Variants in CYB5R3 observed in about 807,000 individuals in gnomAD.
The protein encoded by CYB5R3 is cytochrome b5 reductase 3.
Under a neutral mutation model 36.5 loss-of-function variants are expected in CYB5R3, and 28 were observed. The ratio of observed to expected loss-of-function variants is 0.77; its 90% CI spans 0.57 to 1.05. The LOEUF (loss-of-function observed/expected upper bound fraction) is 1.05, where lower values mean the gene tolerates loss of function less well. Ranked by LOEUF, CYB5R3 falls within the 50% of genes least tolerant of loss-of-function variation. The pLI, the probability that CYB5R3 is intolerant of heterozygous loss-of-function variation, is 0.00. For missense variants in CYB5R3, 474 were observed against 408.9 expected (o/e 1.16, Z -1.37); for synonymous variants, 181 against 159.8 (o/e 1.13, Z -1.00).
At chr22:42,643,545 C>A (rs1392109198) in intron 1 of CYB5R3, among the ~76,000 whole-genome samples, 3 of 151,164 alleles carry the variant, frequency 2.0e-5, no homozygotes, top group Non-Finnish European at 4.4e-5. Flanking sequence ...CTCTCCCAGG[C>A]AGGGCCTCCA....
In CYB5R3 at chr22:42,623,866, C is replaced by A; in HGVS notation, c.656G>T (p.Arg219Leu). 1 of 1,614,130 alleles carries A rather than the reference C, an allele frequency of 6.2e-7. No individual in the cohort carries two copies. The highest frequency in any genetic ancestry group is 1.1e-5 in the South Asian group (1 of 91,074). ...ANQTEKDILL[R>L]PELEELRNKH... ...GTTCCTGAGTTCCTCCAGCTCAGGT[C>A]GCAGCAGGATGTCCTTCTCGGTCTG... The change falls in exon 8 of 9, where the codon CGA becomes CTA. Residue 219 changes from arginine to leucine, a missense_variant. Arg to Leu is a moderately radical substitution (Grantham distance 102). Transcript: ENST00000352397.
chr22:42,636,807 T>C lies in CYB5R3; in HGVS notation c.61A>G (p.Ser21Gly). 6.2e-7 allele frequency: 1 copy of C among 1,613,976 alleles called. No individual in the cohort carries two copies. Among genetic ancestry groups the C allele is most frequent in the Non-Finnish European group, 8.5e-7 (1 of 1,180,014 alleles). ...CGCTGGAACAGCTTCATGAGCAGAC[T>C]GTACAGGAACCAGACTGGGAAGAGC... ...MVLFPVWFLY[S>G]LLMKLFQRST... is the part of the protein sequence containing the mutation. The change falls in exon 2 of 9, where the codon AGT becomes GGT. Residue 21 changes from serine to glycine, a missense_variant. Transcript: ENST00000352397.
Position 42,627,685 on chromosome 22 carries a change from T to A in CYB5R3, c.467A>T (p.Lys156Met). 1 of 1,611,792 alleles carries A rather than the reference T, an allele frequency of 6.2e-7. No homozygotes were observed. Among genetic ancestry groups the A allele is most frequent in the East Asian group, 2.2e-5 (1 of 44,870 alleles). Residue 156 changes from lysine (K) to methionine (M), a missense_variant, in exon 6 of 9, where the codon AAG (lysine) becomes ATG (methionine). Physicochemically the swap from Lys to Met is moderately conservative, Grantham distance 95. Transcript: ENST00000352397. Reference sequence around the variant, plus strand: ...CTTTTTGTCAGGTCGGATGGCGAACTTCCCTGGGGAGAGAGAAGGGGTGAG... The same window carrying A: ...CTTTTTGTCAGGTCGGATGGCGAACATCCCTGGGGAGAGAGAAGGGGTGAG... ...SGLLVYQGKG[K>M]FAIRPDKKSN...
At chr22:42,639,764 A>T in intron 1 of CYB5R3, 1 of 601,458 alleles carries the variant, frequency 1.7e-6, no homozygotes, top group Non-Finnish European at 2.8e-6. Context: ...ATTTAGGGGC[A>T]AAGGGGCAAC....
Position 42,627,358 on chromosome 22 carries a change from G to A in CYB5R3, c.579C>T (p.Ala193=), listed in dbSNP as rs1180986477. Residue 193 remains alanine, a synonymous_variant, in exon 7 of 9, where the codon GCC becomes GCT. Transcript: ENST00000352397. ...TGTGGTCATCAGGGTCCTTCATGAT[G>A]GCGCGGATCACCTGCAGCATCGGGG... The part of the protein sequence containing the change: ...GITPMLQVIR[A]IMKDPDDHTV... 1.9e-6 allele frequency: 3 copies of A among 1,613,950 alleles called. No individual in the cohort carries two copies. The South Asian group carries it at 3.3e-5, about 18-fold the overall frequency.
At chr22:42,632,036 G>C (rs1475095171) in intron 2 of CYB5R3, 2 of 156,710 alleles carry the variant, frequency 1.3e-5, no homozygotes, top group Admixed American at 6.1e-5. Context: ...CACAGGGTGG[G>C]CACCCAGGGC....
chr22:42,640,820 G>C (rs934297339), intron 1 of CYB5R3, among the ~76,000 whole-genome samples: 2 of 151,982 alleles, frequency 1.3e-5, no homozygotes, highest in African/African-American at 4.8e-5. Flanking sequence ...TCCTCTTAAT[G>C]AATAGTAAAT....
rs1929158360 is a variant in CYB5R3, at chr22:42,640,061, C to A, written c.22-3215G>T. Reference sequence around the variant, plus strand: ...GCCACCAAACCGTTCAGCAAAGCTTCCTTAACTGTGAGCTGTTTGAAGCTA... The same window carrying A: ...GCCACCAAACCGTTCAGCAAAGCTTACTTAACTGTGAGCTGTTTGAAGCTA... On this transcript the variant is annotated intron_variant, in intron 1 of 8. Coordinates refer to ENST00000352397, the MANE Select transcript of CYB5R3 (RefSeq NM_000398.7). 3.1e-6 allele frequency: 5 copies of A among 1,613,706 alleles called. No individual in the cohort carries two copies. The Admixed American group carries it at 8.3e-5, about 27-fold the overall frequency.
chr22:42,619,685 CCA>C lies in CYB5R3; in HGVS notation c.*86_*87del. On this transcript the variant is annotated 3_prime_UTR_variant, in exon 9 of 9. Transcript: ENST00000352397. ...GGCAGGCCAGGCTGAACCCGGGGCC[CCA>C]GTGTGCGATGTGGGGAGGTGACTGG... is the stretch of plus-strand genomic sequence containing the variant. The C allele has an allele frequency of 7.2e-7, 1 of 1,385,970 alleles. No homozygotes were observed. The highest frequency in any genetic ancestry group is 9.7e-7 in the Non-Finnish European group (1 of 1,027,976). 85.9% of individuals were successfully genotyped at this position (1,385,970 alleles called of 1,614,324 possible).
At chr22:42,631,194 C>T (rs1928597673) in intron 3 of CYB5R3, 184 bp downstream of exon 3, 1 of 757,340 alleles carries the variant, frequency 1.3e-6, no homozygotes, top group African/African-American at 1.7e-5. Flanking sequence ...GTGCCACTGC[C>T]AGGGACTCTG....
intron 7 of CYB5R3, among the ~76,000 whole-genome samples, chr22:42,624,460 C>T (rs1928160013): frequency 6.6e-6 from 1 of 152,000 alleles, no homozygotes; most frequent in South Asian, 2.1e-4. Context: ...TCCTGGCTGG[C>T]CTGCGGCTCC....
intron 4 of CYB5R3, 66 bp downstream of exon 4, chr22:42,630,816 C>A: frequency 7.4e-7 from 1 of 1,356,504 alleles, no homozygotes; most frequent in East Asian, 2.4e-5. Flanking sequence ...TCCAGGGGGT[C>A]CACATGGGCT....
At chr22:42,629,585 G>A (rs910296815) in intron 4 of CYB5R3, among the ~76,000 whole-genome samples, 6 of 152,192 alleles carry the variant, frequency 3.9e-5, no homozygotes, top group Admixed American at 6.5e-5. Context: ...GAAGGAGCCC[G>A]GGCCAGGGCC....
rs774593690 is a variant in CYB5R3, at chr22:42,628,142, C to T, written c.463+10G>A. 2 of 1,613,930 alleles carry T rather than the reference C, an allele frequency of 1.2e-6. No individual in the cohort carries two copies. Among genetic ancestry groups the T allele is most frequent in the Non-Finnish European group, 1.7e-6 (2 of 1,179,898 alleles). ...CTGCCGTGTAACCAAGGGATTCCGA[C>T]CCGAATCACCTTTGCCCTGGTAGAC... On this transcript the variant is annotated intron_variant, in intron 5 of 8. Coordinates refer to ENST00000352397, the MANE Select transcript of CYB5R3 (RefSeq NM_000398.7).
At chr22:42,625,125 A>G (rs968707080) in intron 7 of CYB5R3, among the ~76,000 whole-genome samples, 10 of 152,186 alleles carry the variant, frequency 6.6e-5, no homozygotes, top group African/African-American at 2.4e-4. Context: ...AATATGGAAG[A>G]AAAAGTACCT....
chr22:42,629,081 G>C (rs535820271), intron 4 of CYB5R3, among the ~76,000 whole-genome samples: 1 of 152,276 alleles, frequency 6.6e-6, no homozygotes, highest in Non-Finnish European at 1.5e-5. Context: ...GAGAGGCCTG[G>C]TCACCTGTGA....
rs781294061 is a variant in CYB5R3 at position 42,630,894 on chromosome 22, G to A, written c.321C>T (p.Asp107=). 5 of 1,613,192 alleles carry A rather than the reference G, an allele frequency of 3.1e-6. No homozygotes were observed. Among genetic ancestry groups the A allele is most frequent in the Middle Eastern group, 3.3e-4 (2 of 6,062 alleles). Residue 107 remains aspartate (D), a synonymous_variant, in exon 4 of 9, where the codon GAC becomes GAT. Coordinates refer to ENST00000352397, the MANE Select transcript of CYB5R3 (RefSeq NM_000398.7). ...ISSDDDKGFV[D]LVIKVYFKDT... is the part of the protein sequence containing the mutation. ...CCAGAGGCTTCACCTTGATGACCAG[G>A]TCCACGAAGCCCTTGTCATCATCGC...
At chr22:42,647,323 T>C (rs1198527823) in intron 1 of CYB5R3, among the ~76,000 whole-genome samples, 2 of 152,166 alleles carry the variant, frequency 1.3e-5, no homozygotes, top group African/African-American at 4.8e-5. Flanking sequence ...AACAGAAATA[T>C]ATGGAATGAG....
At chr22:42,623,712 C>T (rs561993413) in intron 8 of CYB5R3, 77 bp downstream of exon 8, 33 of 1,279,430 alleles carry the variant, frequency 2.6e-5, no homozygotes, top group African/African-American at 4.4e-5. Flanking sequence ...AAAGGCTCAA[C>T]GCCACAAACA....
Sources: allele counts gnomAD v4.1 joint callset (sites outside exome capture counted in the v4.1 genomes callset), GRCh38; gene constraint gnomAD v4.1.1; transcripts MANE v1.5; gene names NCBI Gene and HGNC (gene_info 2026-07-23, HGNC 2026-07-21).